SERPINA5: variants seen among roughly 807,000 people sequenced by gnomAD.
The protein encoded by SERPINA5 is plasma serine protease inhibitor.
SERPINA5 carries 25 observed loss-of-function variants against 25.3 expected under a neutral mutation model. That is an observed-to-expected ratio of 0.99 (90% CI 0.72 to 1.38). The LOEUF (loss-of-function observed/expected upper bound fraction) is 1.38, where lower values mean the gene tolerates loss of function less well. Ranked by LOEUF, SERPINA5 falls within the 40% of genes most tolerant of loss-of-function variation. The pLI, the probability that SERPINA5 is intolerant of heterozygous loss-of-function variation, is 0.00. For synonymous variants in SERPINA5, 234 were observed against 206.2 expected, an observed-to-expected ratio of 1.14 and a Z score of -1.16; for missense variants, 599 against 509.5, an observed-to-expected ratio of 1.18 and a Z score of -1.69.
intron 4 of SERPINA5, 172 bp from the exon 5 acceptor site, chr14:94,590,577 C>A: frequency 1.2e-6 from 1 of 846,908 alleles, no homozygotes; most frequent in Non-Finnish European, 1.8e-6. Context: ...CAAGGGGAGG[C>A]TCATCCTAGA....
rs998050655 is a variant in SERPINA5 at position 94,592,144 on chromosome 14, C to G, written c.1126C>G (p.Arg376Gly). Reference sequence around the variant, plus strand: ...GACAATATTCACTTTCAGGTCGGCCCGCCTGAACTCTCAGAGGCTAGTGTT... The same window carrying G: ...GACAATATTCACTTTCAGGTCGGCCGGCCTGAACTCTCAGAGGCTAGTGTT... ...TGTIFTFRSA[R>G]LNSQRLVFNR... The change falls in exon 6 of 6, where the codon CGC (arginine) becomes GGC (glycine). Residue 376 changes from arginine to glycine, a missense_variant. Transcript: ENST00000329597. 5.6e-6 allele frequency: 9 copies of G among 1,613,998 alleles called. No individual in the cohort carries two copies. Among genetic ancestry groups the G allele is most frequent in the South Asian group, 3.3e-5 (3 of 91,084 alleles).
Position 94,590,136 on chromosome 14 carries a change from G to A in SERPINA5, c.715G>A (p.Glu239Lys), listed in dbSNP as rs373021004. ...TVVRVPMMSR[E>K]DQYHYLLDRN... ...GGTGCGGGTACCCATGATGAGCCGC[G>A]AGGATCAGTATCACTACCTCCTGGA... The change falls in exon 4 of 6, where the codon GAG becomes AAG. Residue 239 changes from glutamate (E) to lysine (K), a missense_variant. Coordinates refer to ENST00000329597, the MANE Select transcript of SERPINA5 (RefSeq NM_000624.6). 1.8e-5 allele frequency: 29 copies of A among 1,613,994 alleles called. No homozygotes were observed. Among genetic ancestry groups the A allele is most frequent in the African/African-American group, 2.7e-5 (2 of 74,916 alleles).
At position 94,590,269 on chromosome 14, in the gene SERPINA5, G is replaced by T. The variant is rs1885235520; in HGVS notation, c.848G>T (p.Ser283Ile). The change falls in exon 4 of 6, where the codon AGT becomes ATT. Residue 283 changes from serine (S) to isoleucine (I), a missense_variant. Coordinates refer to ENST00000329597, the MANE Select transcript of SERPINA5 (RefSeq NM_000624.6). The stretch of plus-strand genomic sequence containing the variant: ...ATGCAGCAGGTGGAGAATGGACTGA[G>T]TGAGAAAACGCTGAGGAAGTGGCTT... ...GKMQQVENGL[S>I]EKTLRKWLKM... The T allele has an allele frequency of 1.2e-6, 2 of 1,611,278 alleles. No individual in the cohort carries two copies. The highest frequency in any genetic ancestry group is 2.7e-5 in the African/African-American group (2 of 74,896).
chr14:94,586,613 G>T (rs913170644), intron 2 of SERPINA5, among the ~76,000 whole-genome samples: 3 of 152,184 alleles, frequency 2.0e-5, no homozygotes, highest in African/African-American at 4.8e-5. Flanking sequence ...GGTATTGAAG[G>T]TAAGGACTTC....
At chr14:94,586,225 T>A (rs1357938281) in intron 2 of SERPINA5, among the ~76,000 whole-genome samples, 1 of 152,152 alleles carries the variant, frequency 6.6e-6, no homozygotes, top group Admixed American at 6.5e-5. Context: ...TGAGAAGAGC[T>A]AGAGACAAAG....
intron 5 of SERPINA5, among the ~76,000 whole-genome samples, chr14:94,591,374 C>T (rs1001737010): frequency 1.3e-5 from 2 of 151,132 alleles, no homozygotes; most frequent in African/African-American, 2.4e-5. Flanking sequence ...CTCCATTCCA[C>T]TCCTCCACTC....
In SERPINA5 at chr14:94,590,312, G is replaced by A. The variant is rs765450662; in HGVS notation, c.890+1G>A. 2 of 1,588,276 alleles carry A rather than the reference G, an allele frequency of 1.3e-6. No homozygotes were observed. The highest frequency in any genetic ancestry group is 1.2e-5 in the South Asian group (1 of 86,952). On this transcript the variant is annotated splice_donor_variant, in intron 4 of 5. Coordinates refer to ENST00000329597, the MANE Select transcript of SERPINA5 (RefSeq NM_000624.6). LOFTEE classifies it high-confidence loss of function. ...AGTGGCTTAAGATGTTCAAAAAGAG[G>A]TACTTTCAGACTACCCCAGGGCCAG...
At position 94,586,328 on chromosome 14, in the gene SERPINA5, G is replaced by A. The variant is rs76230079; in HGVS notation, c.-17-1018G>A. Among the ~76,000 whole-genome samples, 18 of 152,292 alleles carry A rather than the reference G, an allele frequency of 1.2e-4. No individual in the cohort carries two copies. The South Asian group carries it at 1.5e-3, about 12-fold the overall frequency. ...CAGGGGCTAGGGGGCTTCAACAACA[G>A]AAATTTCTTTCTTTACAACTCTGGA... On this transcript the variant is annotated intron_variant, in intron 2 of 5. Coordinates refer to ENST00000329597, the MANE Select transcript of SERPINA5 (RefSeq NM_000624.6).
intron 2 of SERPINA5, among the ~76,000 whole-genome samples, chr14:94,586,095 C>T (rs1269203272): frequency 6.6e-6 from 1 of 152,092 alleles, no homozygotes; most frequent in Non-Finnish European, 1.5e-5. Flanking sequence ...GACTTCTACC[C>T]GTAGCCAGAT....
rs542251287 is a variant in SERPINA5, at chr14:94,590,129, G to A, written c.708G>A (p.Met236Ile). 4.3e-6 allele frequency: 7 copies of A among 1,614,110 alleles called. No homozygotes were observed. The South Asian group carries it at 6.6e-5, about 15-fold the overall frequency. Residue 236 changes from methionine to isoleucine, a missense_variant, in exon 4 of 6, where the codon ATG becomes ATA. By Grantham distance (10) the Met-to-Ile change is conservative. Coordinates refer to ENST00000329597, the MANE Select transcript of SERPINA5 (RefSeq NM_000624.6). ...TSETVVRVPM[M>I]SREDQYHYLL... ...AGACTGTGGTGCGGGTACCCATGAT[G>A]AGCCGCGAGGATCAGTATCACTACC...
At chr14:94,588,674 G>T (rs561133820) in intron 3 of SERPINA5, among the ~76,000 whole-genome samples, 1 of 152,280 alleles carries the variant, frequency 6.6e-6, no homozygotes, top group Non-Finnish European at 1.5e-5. Context: ...GAGTATCTTT[G>T]GCCATTTGGG....
intron 2 of SERPINA5, among the ~76,000 whole-genome samples, chr14:94,583,068 C>T (rs536882282): frequency 3.3e-5 from 5 of 152,156 alleles, no homozygotes; most frequent in Admixed American, 6.5e-5. Context: ...GGGGGTATCA[C>T]GTGATCCAGG....
chr14:94,591,612 C>CTATTCTATTCTAT (rs1390406558), intron 5 of SERPINA5, among the ~76,000 whole-genome samples: 1 of 143,800 alleles, frequency 7.0e-6, no homozygotes, highest in African/African-American at 2.7e-5. Flanking sequence ...CTATTCTATT[C>CTATTCTATTCTAT]TCTCCCTCTC....
chr14:94,582,927 A>G (rs1884960088), intron 2 of SERPINA5, among the ~76,000 whole-genome samples: 1 of 152,246 alleles, frequency 6.6e-6, no homozygotes, highest in Non-Finnish European at 1.5e-5. Context: ...AAAAGCCTGC[A>G]GCCTATGCAG....
intron 2 of SERPINA5, among the ~76,000 whole-genome samples, chr14:94,583,300 G>GT (rs1884973180): frequency 6.6e-6 from 1 of 152,236 alleles, no homozygotes; most frequent in African/African-American, 2.4e-5. Context: ...AGCCCTGGGG[G>GT]AGATGAAGGG....
At chr14:94,585,565 T>A (rs1399915315) in intron 2 of SERPINA5, among the ~76,000 whole-genome samples, 1 of 152,154 alleles carries the variant, frequency 6.6e-6, no homozygotes, top group Non-Finnish European at 1.5e-5. Context: ...GAGTTTGGTT[T>A]TAATTGGGTC....
At chr14:94,584,719 A>G (rs10133701) in intron 2 of SERPINA5, among the ~76,000 whole-genome samples, 45,208 of 152,002 alleles carry the variant, frequency 0.3, 6,956 homozygotes, top group South Asian at 0.34. Flanking sequence ...CCTGGGCTGT[A>G]TCCAATAAGG....
At chr14:94,582,602 C>T (rs919215948) in intron 2 of SERPINA5, among the ~76,000 whole-genome samples, 2 of 151,990 alleles carry the variant, frequency 1.3e-5, no homozygotes, top group African/African-American at 4.8e-5. Flanking sequence ...TTCCACTGCT[C>T]AGTGTCCAGC....
chr14:94,582,370 GTGA>G (rs1217831780), intron 2 of SERPINA5: 21 of 152,230 alleles, frequency 1.4e-4, no homozygotes, highest in African/African-American at 4.8e-4. Flanking sequence ...GGTGCTGACG[GTGA>G]TGATAAGTGA....
Sources: allele counts gnomAD v4.1 joint callset (sites outside exome capture counted in the v4.1 genomes callset), GRCh38; gene constraint gnomAD v4.1.1; transcripts MANE v1.5; gene names NCBI Gene and HGNC (gene_info 2026-07-23, HGNC 2026-07-21).